The following LONRF3 variants were observed in gnomAD, a reference collection of about 807,000 sequenced individuals.
The protein encoded by LONRF3 is LON peptidase N-terminal domain and ring finger 3.
In LONRF3, 19 loss-of-function variants were observed where a neutral mutation model predicts 51.7. The observed-to-expected ratio is 0.37, with a 90% CI of 0.26 to 0.54. The LOEUF (loss-of-function observed/expected upper bound fraction) is 0.54. Ranked by LOEUF, LONRF3 falls within the 20% of genes least tolerant of loss-of-function variation. The probability of loss-of-function intolerance (pLI) is 0.86; values close to 1 mark genes in which losing one functional copy is unlikely to be tolerated. For synonymous variants in LONRF3, 265 were observed against 257.8 expected, an observed-to-expected ratio of 1.03 and a Z score of -0.27; for missense variants, 521 against 623.9, an observed-to-expected ratio of 0.84 and a Z score of 1.76.
chrX:118,996,007 C>T (rs1923839095), intron 5 of LONRF3, among the ~76,000 whole-genome samples: 1 of 111,883 alleles, frequency 8.9e-6, no homozygotes, highest in Non-Finnish European at 1.9e-5. Context: ...CCAGCATCAC[C>T]CTAATAACAA....
In LONRF3 at chrX:118,975,158, G is replaced by A. The variant is rs746332931; in HGVS notation, c.378G>A (p.Pro126=). Residue 126 remains proline (P), a synonymous_variant, in exon 1 of 11, where the codon CCG becomes CCA. Coordinates refer to ENST00000371628, the MANE Select transcript of LONRF3 (RefSeq NM_001031855.3). ...GCGAGGCGCTGGCGCCGGCGCCCCC[G>A]GACGAGGGTAGCACTGCAAGCGGCA... ...PQGEALAPAP[P]DEGSTASGTV... 4.3e-6 allele frequency: 5 copies of A among 1,170,641 alleles called. No homozygotes were observed. Among genetic ancestry groups the A allele is most frequent in the East Asian group, 6.4e-5 (2 of 31,120 alleles).
chrX:119,014,341 A>G lies in LONRF3; in HGVS notation c.2109A>G (p.Lys703=), dbSNP rs751005848. ...ATCACTTTGGTCCCATGCCGGAGAA[A>G]GACGCCGATCCTCAGGTATAGAAAA... ...ILNHFGPMPE[K]DADPQMNPNG... The change falls in exon 10 of 11, where the codon AAA becomes AAG. Residue 703 remains lysine, a synonymous_variant. Transcript: ENST00000371628. The G allele has an allele frequency of 3.3e-6, 4 of 1,207,932 alleles. No individual in the cohort carries two copies. The Admixed American group carries it at 8.8e-5, about 27-fold the overall frequency.
Position 119,009,369 on chromosome X carries a change from G to C in LONRF3, c.1652+122G>C, listed in dbSNP as rs566137173. On this transcript the variant is annotated intron_variant, in intron 7 of 10. Coordinates refer to ENST00000371628, the MANE Select transcript of LONRF3 (RefSeq NM_001031855.3). ...TGCTAGCTGCTTGAAATTGGCTATG[G>C]TGAGAGTATTTACACCATGGAAATT... 5.4e-6 allele frequency: 4 copies of C among 737,372 alleles called. No individual in the cohort carries two copies. In the South Asian group the frequency reaches 9.1e-5, roughly 17 times the overall value. 60.8% of individuals were successfully genotyped at this position (737,372 alleles called of 1,213,427 possible). A position where few individuals can be genotyped will look rare whatever the true frequency, so the allele number is the denominator to read the frequency against.
chrX:119,004,178 T>A lies in LONRF3; in HGVS notation c.1416-1943T>A, dbSNP rs182227757. ...TCCATAGTAAATAGTTTTTCTTTTTTAAATAACTTTGCTTTTTGGCCAATT... is the reference window on the plus strand; with the variant it reads ...TCCATAGTAAATAGTTTTTCTTTTTAAAATAACTTTGCTTTTTGGCCAATT... On this transcript the variant is annotated intron_variant, in intron 5 of 10. Coordinates refer to ENST00000371628, the MANE Select transcript of LONRF3 (RefSeq NM_001031855.3). 2.7e-5 allele frequency among the ~76,000 whole-genome samples: 3 copies of A among 112,157 alleles called. No individual in the cohort carries two copies. In the East Asian group the frequency reaches 8.3e-4, roughly 31 times the overall value.
At chrX:118,989,712 T>A (rs1316312940) in intron 4 of LONRF3, 40 bp downstream of exon 4, 1 of 1,171,426 alleles carries the variant, frequency 8.5e-7, no homozygotes. Flanking sequence ...TTGGAGGAGA[T>A]CCCCGGGCTC....
At position 118,995,099 on chromosome X, in the gene LONRF3, G is replaced by A. The variant is rs899661049; in HGVS notation, c.1415+4539G>A. On this transcript the variant is annotated intron_variant, in intron 5 of 10. Transcript: ENST00000371628. ...GACCATATGATAGACCATAAAATGA[G>A]CCTCACTAAATTTAAGAGAACTGAA... Among the ~76,000 whole-genome samples the A allele has an allele frequency of 2.7e-5, 3 of 112,079 alleles. No individual in the cohort carries two copies. The Admixed American group carries it at 2.8e-4, about 11-fold the overall frequency.
At chrX:118,987,145 G>A in intron 3 of LONRF3, 1 of 919,545 alleles carries the variant, frequency 1.1e-6, no homozygotes, top group Non-Finnish European at 1.5e-6. Flanking sequence ...GCAAACGTGG[G>A]GAGTGAGCCC....
rs755679459 is a variant in LONRF3 at position 118,974,796 on chromosome X, A to G, written c.16A>G (p.Ile6Val). 6.3e-5 allele frequency: 76 copies of G among 1,205,583 alleles called. No homozygotes were observed. Among genetic ancestry groups the G allele is most frequent in the Middle Eastern group, 2.3e-4 (1 of 4,363 alleles). Reference sequence around the variant, plus strand: ...CCCTCTTCCCATGGAGTCAGTACGGATCGAACAGATGCTGAGCTTGCCCGC... The same window carrying G: ...CCCTCTTCCCATGGAGTCAGTACGGGTCGAACAGATGCTGAGCTTGCCCGC... Reference protein sequence around the residue: MESVRIEQMLSLPAEV... With the variant: MESVRVEQMLSLPAEV... Residue 6 changes from isoleucine to valine, a missense_variant, in exon 1 of 11, where the codon ATC becomes GTC. This residue lies in a region of LONRF3 where 376 missense variants were observed against 376.7 expected (regional missense o/e 1.00). Transcript: ENST00000371628.
chrX:118,974,993 C>T lies in LONRF3; in HGVS notation c.213C>T (p.Leu71=). 1 of 1,174,234 alleles carries T rather than the reference C, an allele frequency of 8.5e-7. No individual in the cohort carries two copies. Among genetic ancestry groups the T allele is most frequent in the Middle Eastern group, 2.3e-4 (1 of 4,285 alleles). Residue 71 remains leucine, a synonymous_variant, in exon 1 of 11, where the codon CTC becomes CTT. Coordinates refer to ENST00000371628, the MANE Select transcript of LONRF3 (RefSeq NM_001031855.3). The part of the protein sequence containing the change: ...GTSTPESKVL[L]TQADALASRG... ...CAACGCCGGAGAGCAAAGTCCTGCTCACGCAGGCAGACGCCTTGGCGTCCC... is the reference window on the plus strand; with the variant it reads ...CAACGCCGGAGAGCAAAGTCCTGCTTACGCAGGCAGACGCCTTGGCGTCCC...
At chrX:118,996,187 G>A (rs1308544900) in intron 5 of LONRF3, among the ~76,000 whole-genome samples, 1 of 111,817 alleles carries the variant, frequency 8.9e-6, no homozygotes, top group Non-Finnish European at 1.9e-5. Context: ...TCAGTATTAT[G>A]TTGGTTGTGG....
At chrX:118,994,301 C>T (rs1422243837) in intron 5 of LONRF3, among the ~76,000 whole-genome samples, 1 of 111,465 alleles carries the variant, frequency 9.0e-6, no homozygotes, top group Non-Finnish European at 1.9e-5. Flanking sequence ...TCACCTAACA[C>T]ATAAAGACTC....
rs541693076 is a variant in LONRF3 at position 118,978,945 on chromosome X, CCCTTCCTT to C, written c.936+499_936+506del. The stretch of plus-strand genomic sequence containing the variant: ...GCACTATATAAACGTTCTCTTTCTT[CCCTTCCTT>C]CCTTCCTTCCTTCCTTTCTCTCTCT... On this transcript the variant is annotated intron_variant, in intron 2 of 10. Transcript: ENST00000371628. 2.9e-4 allele frequency among the ~76,000 whole-genome samples: 31 copies of C among 108,014 alleles called. No homozygotes were observed. In the South Asian group the frequency reaches 3.6e-3, roughly 13 times the overall value. 93.8% of individuals were successfully genotyped at this position (108,014 alleles called of 115,157 possible).
chrX:119,015,146 T>C (rs1925355210), intron 10 of LONRF3, among the ~76,000 whole-genome samples: 1 of 111,486 alleles, frequency 9.0e-6, no homozygotes, highest in African/African-American at 3.3e-5. Context: ...GCTGGAGATA[T>C]CCTAACCACA....
At chrX:119,012,073 G>T (rs1185541711) in intron 8 of LONRF3, 100 bp downstream of exon 8, 2 of 877,883 alleles carry the variant, frequency 2.3e-6, no homozygotes, top group Non-Finnish European at 3.2e-6. Flanking sequence ...AGCTCATGAG[G>T]TTTAGCCAAC....
At chrX:119,004,335 T>C (rs920892873) in intron 5 of LONRF3, among the ~76,000 whole-genome samples, 2 of 112,497 alleles carry the variant, frequency 1.8e-5, no homozygotes. Context: ...CAGACCTCCA[T>C]TGGCTTGTTA....
chrX:118,989,994 C>G (rs1171902804), intron 4 of LONRF3, among the ~76,000 whole-genome samples: 1 of 112,350 alleles, frequency 8.9e-6, no homozygotes, highest in Admixed American at 9.4e-5. Flanking sequence ...CTTGCTACCC[C>G]CATCCCCATT....
intron 5 of LONRF3, among the ~76,000 whole-genome samples, chrX:119,004,228 A>G (rs1021045103): frequency 8.9e-6 from 1 of 111,991 alleles, no homozygotes; most frequent in Admixed American, 9.4e-5. Flanking sequence ...TATTAGTTTT[A>G]ATTAATTTGT....
intron 5 of LONRF3, among the ~76,000 whole-genome samples, chrX:118,992,948 G>A (rs1054894893): frequency 1.8e-5 from 2 of 111,381 alleles, no homozygotes; most frequent in African/African-American, 6.6e-5. Context: ...CTCACAGGAA[G>A]CCACACCCAT....
At chrX:119,002,454 G>T (rs1924386314) in intron 5 of LONRF3, among the ~76,000 whole-genome samples, 1 of 112,141 alleles carries the variant, frequency 8.9e-6, no homozygotes, top group African/African-American at 3.2e-5. Context: ...TATAGGTAAA[G>T]TTTGTTCACT....
Sources: gnomAD v4.1 joint callset for allele counts (sites outside exome capture counted in the v4.1 genomes callset) on GRCh38, gnomAD v4.1.1 for gene constraint, gnomAD v4.1.1 regional missense constraint, MANE v1.5 for transcripts, NCBI Gene and HGNC (gene_info 2026-07-23, HGNC 2026-07-21) for gene names.